The following MAPK10 variants were observed in gnomAD, a reference collection of about 807,000 sequenced individuals.
The protein encoded by MAPK10 is JNK3 alpha protein kinase.
In MAPK10, 25 loss-of-function variants were observed where a neutral mutation model predicts 59.3. The ratio of observed to expected loss-of-function variants is 0.42; its 90% CI spans 0.31 to 0.59. MAPK10 has a LOEUF of 0.59. Ranked by LOEUF, MAPK10 falls within the 20% of genes least tolerant of loss-of-function variation. The probability of loss-of-function intolerance (pLI) is 0.15; values close to 1 mark genes in which losing one functional copy is unlikely to be tolerated. For synonymous variants in MAPK10, 190 were observed against 200.5 expected (o/e 0.95, Z 0.44); for missense variants, 351 against 568.9 (o/e 0.62, Z 3.90).
intron 1 of MAPK10, among the ~76,000 whole-genome samples, chr4:86,563,988 C>A (rs1431128529): frequency 2.0e-5 from 3 of 152,088 alleles, no homozygotes; most frequent in Non-Finnish European, 4.4e-5. Context: ...CATGCCACCA[C>A]ACCCGGCTAA....
At chr4:86,403,025 G>A (rs1230266795) in intron 1 of MAPK10, among the ~76,000 whole-genome samples, 3 of 152,000 alleles carry the variant, frequency 2.0e-5, no homozygotes, top group African/African-American at 7.2e-5. Context: ...ATACAATTAA[G>A]GCTAAGGAAG....
At chr4:86,380,234 A>AAAAC (rs974361876) in intron 1 of MAPK10, among the ~76,000 whole-genome samples, 6 of 152,052 alleles carry the variant, frequency 3.9e-5, no homozygotes, top group African/African-American at 1.2e-4. Context: ...AAAAAGAACA[A>AAAAC]AAACAAACAA....
Position 86,266,132 on chromosome 4 carries a change from G to A in MAPK10, c.-6-71725C>T, listed in dbSNP as rs551181332. On this transcript the variant is annotated intron_variant, in intron 2 of 13. Coordinates refer to ENST00000641462, the MANE Select transcript of MAPK10 (RefSeq NM_138982.4). The stretch of plus-strand genomic sequence containing the variant: ...GAACTTTGTGAAATTTCCCTGAGGT[G>A]CTCACTAGGTGTAAGAAACAACAGA... 6.6e-5 allele frequency among the ~76,000 whole-genome samples: 10 copies of A among 152,280 alleles called. No homozygotes were observed. In the South Asian group the frequency reaches 1.9e-3, roughly 28 times the overall value.
intron 2 of MAPK10, among the ~76,000 whole-genome samples, chr4:86,347,731 G>A (rs949542875): frequency 6.6e-6 from 1 of 152,052 alleles, no homozygotes; most frequent in Non-Finnish European, 1.5e-5. Flanking sequence ...TCCTTACATG[G>A]TGGAAAATAC....
chr4:86,150,643 C>T (rs1223478403), intron 4 of MAPK10, among the ~76,000 whole-genome samples: 2 of 151,970 alleles, frequency 1.3e-5, no homozygotes, highest in Non-Finnish European at 2.9e-5. Context: ...GGGCAGATCA[C>T]GAGGTCAGGA....
chr4:86,410,140 C>G (rs937379405), intron 1 of MAPK10, among the ~76,000 whole-genome samples: 6 of 152,188 alleles, frequency 3.9e-5, no homozygotes, highest in Admixed American at 3.3e-4. Context: ...AAGGCCTTTT[C>G]TGCATCTATT....
chr4:86,400,243 T>C (rs779300708), intron 1 of MAPK10, among the ~76,000 whole-genome samples: 8 of 152,174 alleles, frequency 5.3e-5, no homozygotes, highest in Admixed American at 6.5e-5. Context: ...TGCTGATTAT[T>C]TTTTCTCTTA....
At chr4:86,073,351 G>A (rs2048461713) in intron 9 of MAPK10, among the ~76,000 whole-genome samples, 1 of 151,856 alleles carries the variant, frequency 6.6e-6, no homozygotes, top group African/African-American at 2.4e-5. Flanking sequence ...CCAGCTCCTG[G>A]ATTCACTGAT....
At chr4:86,558,492 G>A (rs74636039) in intron 1 of MAPK10, among the ~76,000 whole-genome samples, 1 of 152,016 alleles carries the variant, frequency 6.6e-6, no homozygotes, top group East Asian at 1.9e-4. Flanking sequence ...TATGAGATTT[G>A]CCCAATGACG....
chr4:86,110,823 A>G (rs1198022380), intron 4 of MAPK10, among the ~76,000 whole-genome samples: 4 of 152,186 alleles, frequency 2.6e-5, no homozygotes, highest in African/African-American at 7.2e-5. Context: ...TACTTTGGGC[A>G]GTATGTCCAT....
intron 2 of MAPK10, among the ~76,000 whole-genome samples, chr4:86,231,382 G>A (rs1457844047): frequency 2.6e-5 from 4 of 152,046 alleles, no homozygotes; most frequent in South Asian, 2.1e-4. Flanking sequence ...GGGGCTGGAC[G>A]CGGTGGCTCA....
At position 86,575,112 on chromosome 4, in the gene MAPK10, C is replaced by G. The variant is rs563935642; in HGVS notation, c.-263+18798G>C. On this transcript the variant is annotated intron_variant, in intron 1 of 4. Transcript: ENST00000502302. The stretch of plus-strand genomic sequence containing the variant: ...CAAAATGACAGAGGAAAGAGAAACT[C>G]CCTTCTTTTCTTCCTGTCTGCCTGT... Among the ~76,000 whole-genome samples, 4 of 152,266 alleles carry G rather than the reference C, an allele frequency of 2.6e-5. No individual in the cohort carries two copies. In the South Asian group the frequency reaches 8.3e-4, roughly 32 times the overall value.
At chr4:86,108,562 A>C (rs576382729) in intron 4 of MAPK10, among the ~76,000 whole-genome samples, 19 of 152,216 alleles carry the variant, frequency 1.2e-4, no homozygotes, top group African/African-American at 4.8e-5. Context: ...CACCTGGTCC[A>C]TACTTTCATT....
intron 10 of MAPK10, 126 bp from the exon 11 acceptor site, chr4:86,064,516 T>C (rs934044650): frequency 4.7e-6 from 4 of 857,830 alleles, no homozygotes; most frequent in Middle Eastern, 2.5e-4. Flanking sequence ...GGTAAATCCC[T>C]TGATGTGATG....
chr4:86,354,637 A>G lies in MAPK10; in HGVS notation c.-114T>C. ...GATGGGCCTGCTGTTGGTGTTTCTC[A>G]CACTAGCCTGAAAGCAAAGCCAAAA... On this transcript the variant is annotated 5_prime_UTR_variant, in exon 2 of 14. Coordinates refer to ENST00000641462, the MANE Select transcript of MAPK10 (RefSeq NM_138982.4). 8.3e-7 allele frequency: 1 copy of G among 1,211,872 alleles called. No homozygotes were observed. The highest frequency in any genetic ancestry group is 1.6e-5 in the African/African-American group (1 of 64,138). The allele number at this position is 1,211,872 out of a possible 1,614,324, so 75.1% of individuals were successfully genotyped here. A position where few individuals can be genotyped will look rare whatever the true frequency, so the allele number is the denominator to read the frequency against.
Position 86,102,016 on chromosome 4 carries a change from G to A in MAPK10, c.442C>T (p.Leu148=), listed in dbSNP as rs1358208982. 1 of 1,613,750 alleles carries A rather than the reference G, an allele frequency of 6.2e-7. No homozygotes were observed. Among genetic ancestry groups the A allele is most frequent in the Non-Finnish European group, 8.5e-7 (1 of 1,179,800 alleles). The change falls in exon 7 of 14, where the codon CTG becomes TTG. Residue 148 remains leucine (L), a synonymous_variant. Transcript: ENST00000641462. ...ACTTGACATAAGTTGGCATCCATCA[G>A]TTCCATTACTAAGTAACTAGAAGGG... is the stretch of plus-strand genomic sequence containing the variant. ...EFQDVYLVME[L]MDANLCQVIQ... is the part of the protein sequence containing the mutation.
intron 3 of MAPK10, chr4:86,191,553 C>CT (rs35357476): frequency 6.6e-5 from 2 of 30,414 alleles, no homozygotes; most frequent in Admixed American, 5.7e-4. Context: ...ACAACCCGTG[C>CT]TTTTTTTTTT....
intron 2 of MAPK10, among the ~76,000 whole-genome samples, chr4:86,206,040 T>C (rs7696316): frequency 6.6e-6 from 1 of 151,828 alleles, no homozygotes; most frequent in African/African-American, 2.4e-5. Context: ...GATTTTTTTT[T>C]AATTTAATTT....
Position 86,110,495 on chromosome 4 carries a change from T to C in MAPK10, c.237-3143A>G, listed in dbSNP as rs1443549643. ...TATTAAATAGGGAATGCTTTCCCCATTGCTTGTTTTTGTCAGATTTGTCAA... is the reference window on the plus strand; with the variant it reads ...TATTAAATAGGGAATGCTTTCCCCACTGCTTGTTTTTGTCAGATTTGTCAA... On this transcript the variant is annotated intron_variant, in intron 4 of 13. Coordinates refer to ENST00000641462, the MANE Select transcript of MAPK10 (RefSeq NM_138982.4). Among the ~76,000 whole-genome samples the C allele has an allele frequency of 5.3e-5, 8 of 152,330 alleles. No individual in the cohort carries two copies. The East Asian group carries it at 1.3e-3, about 26-fold the overall frequency.
Sources: allele counts gnomAD v4.1 joint callset (sites outside exome capture counted in the v4.1 genomes callset), GRCh38; gene constraint gnomAD v4.1.1; transcripts MANE v1.5; gene names NCBI Gene and HGNC (gene_info 2026-07-23, HGNC 2026-07-21).